Variants in DEDD observed in about 807,000 individuals in gnomAD.
The protein encoded by DEDD is death effector domain-containing protein.
A neutral mutation model predicts 29.2 loss-of-function variants in DEDD; 3 were observed. The observed-to-expected ratio is 0.10, with a 90% CI of 0.05 to 0.27. The LOEUF (loss-of-function observed/expected upper bound fraction) is 0.27, where lower values mean the gene tolerates loss of function less well. Ranked by LOEUF, DEDD falls within the 10% of genes least tolerant of loss-of-function variation. The probability of loss-of-function intolerance (pLI) is 1.00; values close to 1 mark genes in which losing one functional copy is unlikely to be tolerated. For missense variants in DEDD, 261 were observed against 420.5 expected (o/e 0.62, Z 3.32); for synonymous variants, 152 against 161.3 (o/e 0.94, Z 0.44).
chr1:161,129,523 G>C (rs1020989939), intron 2 of DEDD, among the ~76,000 whole-genome samples: 3 of 145,582 alleles, frequency 2.1e-5, no homozygotes, highest in Admixed American at 1.4e-4. Flanking sequence ...CTGGGGTACA[G>C]AGTGAGACCT....
chr1:161,128,608 A>G (rs1045248632), intron 2 of DEDD, among the ~76,000 whole-genome samples: 3 of 152,116 alleles, frequency 2.0e-5, no homozygotes, highest in Non-Finnish European at 2.9e-5. Context: ...CTCAAAAGAA[A>G]AAAGAAACAT....
chr1:161,127,350 G>A (rs948501399), intron 2 of DEDD, among the ~76,000 whole-genome samples: 1 of 152,210 alleles, frequency 6.6e-6, no homozygotes, highest in Non-Finnish European at 1.5e-5. Context: ...TAAACAGGTT[G>A]CTCTGTCCAT....
intron 2 of DEDD, among the ~76,000 whole-genome samples, chr1:161,126,119 A>G (rs908651228): frequency 6.6e-5 from 10 of 152,286 alleles, no homozygotes; most frequent in Non-Finnish European, 1.3e-4. Flanking sequence ...TCTTAAATCT[A>G]TCCTACCTTT....
intron 4 of DEDD, 46 bp downstream of exon 4, chr1:161,123,793 C>A (rs1194909812): frequency 2.0e-6 from 3 of 1,518,856 alleles, no homozygotes; most frequent in Non-Finnish European, 2.7e-6. Context: ...GGATCAGTGT[C>A]CTTTTACTTG....
At chr1:161,123,757 A>T in intron 4 of DEDD, 82 bp downstream of exon 4, 1 of 1,270,032 alleles carries the variant, frequency 7.9e-7, no homozygotes, top group Non-Finnish European at 1.1e-6. Context: ...CCTTTCATTT[A>T]AGCTGGCAAA....
intron 2 of DEDD, among the ~76,000 whole-genome samples, chr1:161,125,966 T>C (rs1039962952): frequency 6.6e-6 from 1 of 152,214 alleles, no homozygotes; most frequent in African/African-American, 2.4e-5. Context: ...CATTAATCAA[T>C]TCCCAAATTC....
chr1:161,122,216 T>C lies in DEDD; in HGVS notation c.888A>G (p.Val296=), dbSNP rs1655583600. Residue 296 remains valine, a synonymous_variant, in exon 6 of 6, where the codon GTA becomes GTG. Transcript: ENST00000368006. This position sits in a 1 kb window ranked among gnomAD's most constrained non-coding sequence, Gnocchi z 4.2. ...GHEAIKLLVN[V]DEEDYELGRQ... is the part of the protein sequence containing the mutation. ...GGCCCAGCTCATAGTCCTCCTCGTC[T>C]ACATTTACCAGCAGCTTGATGGCTT... is the stretch of plus-strand genomic sequence containing the variant. The C allele has an allele frequency of 5.0e-6, 8 of 1,614,234 alleles. No homozygotes were observed. In the East Asian group the frequency reaches 1.8e-4, roughly 36 times the overall value.
intron 2 of DEDD, among the ~76,000 whole-genome samples, chr1:161,126,694 C>A (rs550196110): frequency 1.3e-5 from 2 of 152,084 alleles, no homozygotes; most frequent in Non-Finnish European, 2.9e-5. Context: ...TCAGGCCTAC[C>A]TTCCCAACCT....
At position 161,121,093 on chromosome 1, in the gene DEDD, CTAGAAGGGGAGTTGG is replaced by C. The variant is rs1655443191; in HGVS notation, c.*1039_*1053del. Reference sequence around the variant, plus strand: ...TGTGTCTGGACATCGCCTTTGGGAACTAGAAGGGGAGTTGGTATTGTACCAGCTGGACTAAGCTCC... The same window carrying C: ...TGTGTCTGGACATCGCCTTTGGGAACTATTGTACCAGCTGGACTAAGCTCC... On this transcript the variant is annotated 3_prime_UTR_variant, in exon 6 of 6. Transcript: ENST00000368006. 2.6e-6 allele frequency: 3 copies of C among 1,160,298 alleles called. No homozygotes were observed. In the African/African-American group the frequency reaches 4.8e-5, roughly 19 times the overall value. The allele number at this position is 1,160,298 out of a possible 1,614,324, so 71.9% of individuals were successfully genotyped here. A position where few individuals can be genotyped will look rare whatever the true frequency, so the allele number is the denominator to read the frequency against.
rs747507944 is a variant in DEDD at position 161,123,068 on chromosome 1, T to C, written c.580+7A>G. 6.2e-7 allele frequency: 1 copy of C among 1,614,190 alleles called. No homozygotes were observed. Among genetic ancestry groups the C allele is most frequent in the Non-Finnish European group, 8.5e-7 (1 of 1,180,036 alleles). ...GCTCCATCTCTGGAACCCTTGAACT[T>C]CCTCACCACATGTCTGCTTCTCCTT... On this transcript the variant is annotated splice_region_variant and intron_variant, in intron 5 of 5. Coordinates refer to ENST00000368006, the MANE Select transcript of DEDD (RefSeq NM_032998.3).
chr1:161,124,665 TTAAAAA>T (rs1655962871), intron 2 of DEDD, 139 bp from the exon 3 acceptor site: 1 of 1,196,056 alleles, frequency 8.4e-7, no homozygotes, highest in Non-Finnish European at 1.1e-6. Context: ...AAGTGTTTGT[TTAAAAA>T]TAAACACTGG....
Position 161,122,559 on chromosome 1 carries a change from A to T in DEDD, c.581-36T>A, listed in dbSNP as rs1571215981. 2.5e-6 allele frequency: 4 copies of T among 1,590,972 alleles called. No homozygotes were observed. The East Asian group carries it at 9.0e-5, about 36-fold the overall frequency. ...CAGAAGATACAGAGCAGAAGAGGTT[A>T]CAGTAAGGGATGAGTTTACAAGCCA... On this transcript the variant is annotated intron_variant, in intron 5 of 5. Coordinates refer to ENST00000368006, the MANE Select transcript of DEDD (RefSeq NM_032998.3). The surrounding 1 kb of genome is among the most constrained non-coding windows in gnomAD (Gnocchi z 4.2).
In DEDD at chr1:161,122,153, C is replaced by T. The variant is rs1014745191; in HGVS notation, c.951G>A (p.Leu317=). 1.2e-6 allele frequency: 2 copies of T among 1,612,858 alleles called. No homozygotes were observed. Among genetic ancestry groups the T allele is most frequent in the African/African-American group, 2.7e-5 (2 of 74,964 alleles). ...KLLRNLMLQA[L]P is the part of the protein sequence containing the mutation. ...AGTGAGAAGAGGGAATAGGTCAGGG[C>T]AATGCTTGCAGCATCAAGTTCCTCA... The change falls in exon 6 of 6, where the codon TTG becomes TTA. Residue 317 remains leucine (L), a synonymous_variant. Coordinates refer to ENST00000368006, the MANE Select transcript of DEDD (RefSeq NM_032998.3). The surrounding 1 kb of genome is among the most constrained non-coding windows in gnomAD (Gnocchi z 4.2).
At position 161,124,507 on chromosome 1, in the gene DEDD, CA is replaced by C. The variant is rs1219493835; in HGVS notation, c.-46del. The C allele has an allele frequency of 6.4e-7, 1 of 1,565,030 alleles. No individual in the cohort carries two copies. Among genetic ancestry groups the C allele is most frequent in the Admixed American group, 1.7e-5 (1 of 57,374 alleles). On this transcript the variant is annotated 5_prime_UTR_variant, in exon 3 of 6. An upstream open reading frame in the 5' UTR loses its in-frame stop. Transcript: ENST00000368006. ...AATGCTTTCCAGAATCCCTGCTCAG[CA>C]GCTGCAATCCCCACCGTACTGAAAG... is the stretch of plus-strand genomic sequence containing the variant.
Position 161,122,099 on chromosome 1 carries a change from C to T in DEDD, c.*48G>A. The T allele has an allele frequency of 6.3e-7, 1 of 1,599,674 alleles. No individual in the cohort carries two copies. The highest frequency in any genetic ancestry group is 8.5e-7 in the Non-Finnish European group (1 of 1,173,494). ...ACAAACCCCAGAACAGTGTAAGCTC[C>T]AGAGGTGGGTGATGGGAACAGTCCC... On this transcript the variant is annotated 3_prime_UTR_variant, in exon 6 of 6. Coordinates refer to ENST00000368006, the MANE Select transcript of DEDD (RefSeq NM_032998.3). This position sits in a 1 kb window ranked among gnomAD's most constrained non-coding sequence, Gnocchi z 4.2.
Position 161,123,221 on chromosome 1 carries a change from A to G in DEDD, c.434T>C (p.Val145Ala), listed in dbSNP as rs1425158102. The change falls in exon 5 of 6, where the codon GTG becomes GCG. Residue 145 changes from valine to alanine, a missense_variant and splice_region_variant. Coordinates refer to ENST00000368006, the MANE Select transcript of DEDD (RefSeq NM_032998.3). ...ACACACCACAGGATAGTGGGGAGGCACTGACCAGAAAGTAAAAGGGAAGAA... is the reference window on the plus strand; with the variant it reads ...ACACACCACAGGATAGTGGGGAGGCGCTGACCAGAAAGTAAAAGGGAAGAA... ...EPRPPQPSKT[V>A]PPHYPVVCCP... is the part of the protein sequence containing the mutation. 6.2e-7 allele frequency: 1 copy of G among 1,612,330 alleles called. No individual in the cohort carries two copies. Among genetic ancestry groups the G allele is most frequent in the Admixed American group, 1.7e-5 (1 of 59,996 alleles).
Position 161,122,578 on chromosome 1 carries a change from C to T in DEDD, c.581-55G>A, listed in dbSNP as rs1311779437. The T allele has an allele frequency of 1.3e-6, 2 of 1,566,748 alleles. No individual in the cohort carries two copies. The highest frequency in any genetic ancestry group is 1.2e-5 in the South Asian group (1 of 85,696). The stretch of plus-strand genomic sequence containing the variant: ...GAGGTTACAGTAAGGGATGAGTTTA[C>T]AAGCCAAGCTTGAAAACTGAAAAGC... On this transcript the variant is annotated intron_variant, in intron 5 of 5. Transcript: ENST00000368006. The surrounding 1 kb of genome is among the most constrained non-coding windows in gnomAD (Gnocchi z 4.2).
In DEDD at chr1:161,127,970, C is replaced by T. The variant is rs144288393; in HGVS notation, c.-65+2845G>A. On this transcript the variant is annotated intron_variant, in intron 2 of 5. Coordinates refer to ENST00000368006, the MANE Select transcript of DEDD (RefSeq NM_032998.3). The stretch of plus-strand genomic sequence containing the variant: ...AGGAAATGAAGAAACACTGTCCCCA[C>T]ATACCCTCGCAATGGAAAATAAGGC... Among the ~76,000 whole-genome samples the T allele has an allele frequency of 6.6e-5, 10 of 152,316 alleles. No homozygotes were observed. In the East Asian group the frequency reaches 1.9e-3, roughly 29 times the overall value.
chr1:161,129,438 T>G (rs942356957), intron 2 of DEDD, among the ~76,000 whole-genome samples: 4 of 146,574 alleles, frequency 2.7e-5, no homozygotes, highest in Non-Finnish European at 3.0e-5. Context: ...CTACAAACAA[T>G]AAACAAAAAT....
Sources: allele counts gnomAD v4.1 joint callset (sites outside exome capture counted in the v4.1 genomes callset), GRCh38; gene constraint gnomAD v4.1.1; non-coding constraint Gnocchi (gnomAD v3.1); transcripts MANE v1.5; gene names NCBI Gene and HGNC (gene_info 2026-07-23, HGNC 2026-07-21).